The following GMEB2 variants were observed in gnomAD, a reference collection of about 807,000 sequenced individuals.
The protein encoded by GMEB2 is glucocorticoid modulatory element binding protein 2.
In GMEB2, 7 loss-of-function variants were observed where a neutral mutation model predicts 45.7. The observed-to-expected ratio is 0.15, with a 90% CI of 0.09 to 0.29. The LOEUF is 0.29. Ranked by LOEUF, GMEB2 falls within the 10% of genes least tolerant of loss-of-function variation. The pLI, the probability that GMEB2 is intolerant of heterozygous loss-of-function variation, is 1.00. For synonymous variants in GMEB2, 322 were observed against 323.6 expected (o/e 1.00, Z 0.05); for missense variants, 582 against 739.2 (o/e 0.79, Z 2.47).
chr20:63,591,067 C>A (rs2083142453), intron 9 of GMEB2, among the ~76,000 whole-genome samples: 1 of 152,202 alleles, frequency 6.6e-6, no homozygotes, highest in Non-Finnish European at 1.5e-5. Flanking sequence ...CGTCTCAGAT[C>A]CCCGCATGAG....
At chr20:63,615,265 G>T (rs2089600120) in intron 2 of GMEB2, among the ~76,000 whole-genome samples, 1 of 152,156 alleles carries the variant, frequency 6.6e-6, no homozygotes, top group South Asian at 2.1e-4. Flanking sequence ...GGACTAAATG[G>T]GATGGTCTCC....
intron 2 of GMEB2, among the ~76,000 whole-genome samples, chr20:63,618,661 C>G (rs1033346049): frequency 2.0e-5 from 3 of 152,130 alleles, no homozygotes; most frequent in Admixed American, 6.6e-5. Context: ...CAGACCAGAG[C>G]CCCAGAGCCC....
At chr20:63,600,460 G>A (rs1335865332) in intron 4 of GMEB2, among the ~76,000 whole-genome samples, 5 of 150,416 alleles carry the variant, frequency 3.3e-5, no homozygotes, top group African/African-American at 7.3e-5. Flanking sequence ...GCTCACGCCT[G>A]TAATCCCAGC....
chr20:63,615,926 A>G (rs2089605206), intron 2 of GMEB2, among the ~76,000 whole-genome samples: 2 of 152,248 alleles, frequency 1.3e-5, no homozygotes, highest in South Asian at 4.1e-4. Flanking sequence ...ATATAAACAG[A>G]ACATCTGGAA....
intron 4 of GMEB2, among the ~76,000 whole-genome samples, chr20:63,601,536 TC>T (rs1244383297): frequency 1.7e-5 from 2 of 115,784 alleles, no homozygotes; most frequent in Non-Finnish European, 2.1e-5. Flanking sequence ...TGCTCTCTTT[TC>T]TTTTTTTTTT....
intron 1 of GMEB2, among the ~76,000 whole-genome samples, chr20:63,624,727 A>C (rs2089659750): frequency 6.6e-6 from 1 of 152,172 alleles, no homozygotes; most frequent in Non-Finnish European, 1.5e-5. Flanking sequence ...TCTTTTTTTG[A>C]GACGGAGTCT....
intron 2 of GMEB2, among the ~76,000 whole-genome samples, chr20:63,609,338 A>C (rs368958401): frequency 6.4e-4 from 31 of 48,468 alleles, no homozygotes; most frequent in South Asian, 1.0e-3. Flanking sequence ...GAAACATGCC[A>C]CTCTGACCCC....
At chr20:63,598,633 G>C (rs2083218009) in intron 4 of GMEB2, among the ~76,000 whole-genome samples, 4 of 152,138 alleles carry the variant, frequency 2.6e-5, no homozygotes, top group Admixed American at 2.6e-4. Context: ...AGTCTAGCTT[G>C]CTGAAGGAAG....
Position 63,590,300 on chromosome 20 carries a change from G to A in GMEB2, c.1382C>T (p.Ala461Val). The A allele has an allele frequency of 6.2e-7, 1 of 1,612,728 alleles. No homozygotes were observed. Among genetic ancestry groups the A allele is most frequent in the Non-Finnish European group, 8.5e-7 (1 of 1,179,844 alleles). The change falls in exon 10 of 10, where the codon GCC becomes GTC. Residue 461 changes from alanine (A) to valine (V), a missense_variant. Coordinates refer to ENST00000370077, the MANE Select transcript of GMEB2 (RefSeq NM_012384.5). ...ASSLTVLSTA[A>V]VQDGSTVFKV... is the part of the protein sequence containing the mutation. ...GAACACCGTGCTACCGTCCTGCACG[G>A]CGGCCGTGCTCAGGACCGTGAGGCT...
chr20:63,607,678 A>C (rs1415461743), intron 2 of GMEB2, among the ~76,000 whole-genome samples: 5 of 4,172 alleles, frequency 1.2e-3, no homozygotes, highest in Non-Finnish European at 2.4e-3. Flanking sequence ...CCTCTGACCC[A>C]CACCTCCATT....
Position 63,593,496 on chromosome 20 carries a change from C to T in GMEB2, c.620-414G>A, listed in dbSNP as rs1281370080. 1.3e-5 allele frequency among the ~76,000 whole-genome samples: 2 copies of T among 151,816 alleles called. No homozygotes were observed. Among genetic ancestry groups the T allele is most frequent in the Non-Finnish European group, 2.9e-5 (2 of 68,000 alleles). On this transcript the variant is annotated intron_variant, in intron 6 of 9. Coordinates refer to ENST00000370077, the MANE Select transcript of GMEB2 (RefSeq NM_012384.5). The surrounding 1 kb of genome is among the most constrained non-coding windows in gnomAD (Gnocchi z 4.7). The stretch of plus-strand genomic sequence containing the variant: ...CTGCGTCTGTCGCCCGTGGGGCTCG[C>T]CCTCACCTCGCCTCTTCAAGTGATG...
In GMEB2 at chr20:63,589,985, G is replaced by A. The variant is rs774828421; in HGVS notation, c.*104C>T. On this transcript the variant is annotated 3_prime_UTR_variant, in exon 10 of 10. Transcript: ENST00000370077. ...CTCTCTTTGGTTCTGCAGACCACGTGACCCACCTGCCCGAGCCAGCCCTGC... is the reference window on the plus strand; with the variant it reads ...CTCTCTTTGGTTCTGCAGACCACGTAACCCACCTGCCCGAGCCAGCCCTGC... 1 of 948,658 alleles carries A rather than the reference G, an allele frequency of 1.1e-6. No homozygotes were observed. The highest frequency in any genetic ancestry group is 1.5e-6 in the Non-Finnish European group (1 of 672,700). The allele number at this position is 948,658 out of a possible 1,614,324, so 58.8% of individuals were successfully genotyped here. A position where few individuals can be genotyped will look rare whatever the true frequency, so the allele number is the denominator to read the frequency against.
At chr20:63,591,921 TC>T in intron 9 of GMEB2, 100 bp downstream of exon 9, 1 of 1,046,378 alleles carries the variant, frequency 9.6e-7, no homozygotes, top group South Asian at 1.6e-5. Context: ...TGGCGGTGAC[TC>T]CAGGAAGTGC....
Position 63,606,236 on chromosome 20 carries a change from G to A in GMEB2, c.132-1396C>T, listed in dbSNP as rs553351810. Among the ~76,000 whole-genome samples the A allele has an allele frequency of 2.0e-4, 31 of 151,762 alleles. 1 individual carries two copies. The Middle Eastern group carries it at 0.01, about 50-fold the overall frequency. On this transcript the variant is annotated intron_variant, in intron 2 of 9. Transcript: ENST00000370077. ...ATAAGTTTTTTTTACTTGTTTCAAA[G>A]TGACAAAGGGTTTTCTCATACAATA...
intron 9 of GMEB2, among the ~76,000 whole-genome samples, chr20:63,591,757 G>A (rs1328919016): frequency 2.0e-5 from 3 of 152,222 alleles, no homozygotes; most frequent in Non-Finnish European, 2.9e-5. Flanking sequence ...GAGCCACCGC[G>A]CCTGGCCTCT....
rs748409024 is a variant in GMEB2, at chr20:63,590,574, C to T, written c.1108G>A (p.Ala370Thr). 7 of 1,569,788 alleles carry T rather than the reference C, an allele frequency of 4.5e-6. No individual in the cohort carries two copies. The highest frequency in any genetic ancestry group is 4.6e-5 in the East Asian group (2 of 43,614). The change falls in exon 10 of 10, where the codon GCC (alanine) becomes ACC (threonine). Residue 370 changes from alanine (A) to threonine (T), a missense_variant. Transcript: ENST00000370077. ...RLARATSGPA[A>T]MASQVLTQSA... ...TGGGTGAGCACCTGCGAGGCCATGG[C>T]GGCCGGTCCTGATGTGGCACGTGCA...
At position 63,613,959 on chromosome 20, in the gene GMEB2, G is replaced by T. The variant is rs79982179; in HGVS notation, c.131+5308C>A. ...AGCATGTGGGTGGTCTGGACAGGAGGGGGAGGGAAGAGTGCAGAGCAGGGC... is the reference window on the plus strand; with the variant it reads ...AGCATGTGGGTGGTCTGGACAGGAGTGGGAGGGAAGAGTGCAGAGCAGGGC... On this transcript the variant is annotated intron_variant, in intron 2 of 9. Transcript: ENST00000370077. Among the ~76,000 whole-genome samples, 7 of 152,206 alleles carry T rather than the reference G, an allele frequency of 4.6e-5. No individual in the cohort carries two copies. In the East Asian group the frequency reaches 9.6e-4, roughly 21 times the overall value.
Position 63,593,810 on chromosome 20 carries a change from T to C in GMEB2, c.620-728A>G, listed in dbSNP as rs555650559. ...ACTGAGGCGGGTGGATCACCTAAGG[T>C]CAGGAGTTCGAGAACAGCCTGGGCA... is the stretch of plus-strand genomic sequence containing the variant. On this transcript the variant is annotated intron_variant, in intron 6 of 9. Coordinates refer to ENST00000370077, the MANE Select transcript of GMEB2 (RefSeq NM_012384.5). This position sits in a 1 kb window ranked among gnomAD's most constrained non-coding sequence, Gnocchi z 4.7. Among the ~76,000 whole-genome samples the C allele has an allele frequency of 6.6e-6, 1 of 152,234 alleles. No homozygotes were observed. The highest frequency in any genetic ancestry group is 1.5e-5 in the Non-Finnish European group (1 of 68,018).
rs1209087671 is a variant in GMEB2 at position 63,593,210 on chromosome 20, A to G, written c.620-128T>C. Reference sequence around the variant, plus strand: ...CTGTCTTCACAAAACTGACAAACACAGGATACGCACTAGTACAGCCAAAGT... The same window carrying G: ...CTGTCTTCACAAAACTGACAAACACGGGATACGCACTAGTACAGCCAAAGT... On this transcript the variant is annotated intron_variant, in intron 6 of 9. Transcript: ENST00000370077. The surrounding 1 kb of genome is among the most constrained non-coding windows in gnomAD (Gnocchi z 4.7). The G allele has an allele frequency of 6.0e-6, 4 of 669,510 alleles. No homozygotes were observed. Among genetic ancestry groups the G allele is most frequent in the Non-Finnish European group, 1.1e-5 (4 of 359,028 alleles). 41.5% of individuals were successfully genotyped at this position (669,510 alleles called of 1,614,324 possible).
Sources: gnomAD v4.1 joint callset for allele counts (sites outside exome capture counted in the v4.1 genomes callset) on GRCh38, gnomAD v4.1.1 for gene constraint, Gnocchi (gnomAD v3.1) non-coding constraint, MANE v1.5 for transcripts, NCBI Gene and HGNC (gene_info 2026-07-23, HGNC 2026-07-21) for gene names.